The following DPP6 variants were observed in gnomAD, a reference collection of about 807,000 sequenced individuals.
The protein encoded by DPP6 is A-type potassium channel modulatory protein DPP6.
Under a neutral mutation model 122.6 loss-of-function variants are expected in DPP6, and 69 were observed. That is an observed-to-expected ratio of 0.56 (90% CI 0.46 to 0.69). The LOEUF (loss-of-function observed/expected upper bound fraction) is 0.69, where lower values mean the gene tolerates loss of function less well. Ranked by LOEUF, DPP6 falls within the 30% of genes least tolerant of loss-of-function variation. DPP6 has a pLI of 0.00. For synonymous variants in DPP6, 418 were observed against 433.1 expected, an observed-to-expected ratio of 0.97 and a Z score of 0.43; for missense variants, 928 against 1,116.9, an observed-to-expected ratio of 0.83 and a Z score of 2.41.
At chr7:154,379,173 G>A (rs12531498) in intron 1 of DPP6, among the ~76,000 whole-genome samples, 93,711 of 152,068 alleles carry the variant, frequency 0.62, 29,917 homozygotes, top group East Asian at 0.76. Flanking sequence ...GGTTCCAAGA[G>A]GTGCCTCCAT....
At chr7:154,305,429 T>G (rs1415002263) in intron 1 of DPP6, 4 of 1,366,320 alleles carry the variant, frequency 2.9e-6, no homozygotes, top group Non-Finnish European at 3.9e-6. Context: ...CCGCTTGGAC[T>G]CTGGTGGCTC....
chr7:154,669,235 C>G (rs762503837), intron 6 of DPP6, 125 bp from the exon 7 acceptor site: 16 of 1,418,444 alleles, frequency 1.1e-5, no homozygotes, highest in African/African-American at 2.9e-5. Flanking sequence ...AAGAGACAAG[C>G]TCTTGAAATG....
intron 7 of DPP6, among the ~76,000 whole-genome samples, chr7:154,676,202 C>G (rs1346763366): frequency 1.3e-5 from 2 of 148,490 alleles, no homozygotes; most frequent in African/African-American, 5.0e-5. Flanking sequence ...AGCGTGCTGT[C>G]TGGAGGTCCA....
intron 1 of DPP6, among the ~76,000 whole-genome samples, chr7:154,099,330 A>C (rs1325247096): frequency 6.6e-6 from 1 of 152,190 alleles, no homozygotes; most frequent in Non-Finnish European, 1.5e-5. Context: ...ACTTGGATAC[A>C]GCAGTGAGCA....
chr7:154,596,246 A>G (rs945588980), intron 5 of DPP6, among the ~76,000 whole-genome samples: 5 of 152,228 alleles, frequency 3.3e-5, no homozygotes, highest in Non-Finnish European at 5.9e-5. Flanking sequence ...TACAAAAACT[A>G]TTGAAGTAAA....
At chr7:153,970,616 A>T (rs1421142248) in intron 1 of DPP6, among the ~76,000 whole-genome samples, 1 of 152,152 alleles carries the variant, frequency 6.6e-6, no homozygotes, top group Non-Finnish European at 1.5e-5. Flanking sequence ...GAAATTTTGT[A>T]GTTTTAATTT....
At chr7:154,292,197 C>T (rs186638060) in intron 1 of DPP6, among the ~76,000 whole-genome samples, 43 of 152,208 alleles carry the variant, frequency 2.8e-4, no homozygotes, top group African/African-American at 1.0e-3. Flanking sequence ...TGAATGGCAC[C>T]ACCGACAAAG....
chr7:153,782,426 C>T, the DPP6 span, among the ~76,000 whole-genome samples: 1 of 152,124 alleles, frequency 6.6e-6, no homozygotes. Flanking sequence ...CAACTAGAGG[C>T]AGGCAGAACC....
intron 1 of DPP6, among the ~76,000 whole-genome samples, chr7:154,197,850 C>G (rs1798948716): frequency 6.6e-6 from 1 of 152,142 alleles, no homozygotes; most frequent in South Asian, 2.1e-4. Flanking sequence ...ACCTAGGAGC[C>G]CAGACCGTTG....
At chr7:154,637,246 G>T (rs1835783763) in intron 5 of DPP6, among the ~76,000 whole-genome samples, 1 of 152,150 alleles carries the variant, frequency 6.6e-6, no homozygotes, top group South Asian at 2.1e-4. Flanking sequence ...CCATTTTAAA[G>T]CCGTGATACT....
intron 3 of DPP6, among the ~76,000 whole-genome samples, chr7:154,509,786 C>T (rs555514502): frequency 6.6e-6 from 1 of 152,284 alleles, no homozygotes. Context: ...CTGATTCCTG[C>T]TACATGCTAC....
At chr7:153,851,072 T>C in the DPP6 span, among the ~76,000 whole-genome samples, 1 of 152,224 alleles carries the variant, frequency 6.6e-6, no homozygotes, top group Non-Finnish European at 1.5e-5. Flanking sequence ...TTTACACCTA[T>C]ATTTTCCCGA....
chr7:154,061,898 C>T lies in DPP6; in HGVS notation c.243+8835C>T, dbSNP rs553451141. Among the ~76,000 whole-genome samples the T allele has an allele frequency of 6.8e-4, 91 of 134,618 alleles. 8 individuals carry two copies. Among genetic ancestry groups the T allele is most frequent in the Non-Finnish European group, 1.3e-3 (82 of 60,882 alleles). 88.3% of individuals were successfully genotyped at this position (134,618 alleles called of 152,430 possible). On this transcript the variant is annotated intron_variant, in intron 1 of 25. Transcript: ENST00000377770. ...CGCGAGGCAGGGACTGAGAGGCAAT[C>T]CCTCTTCCCCCCCTGGCTCTGAGGA... is the stretch of plus-strand genomic sequence containing the variant.
chr7:154,760,670 C>T lies in DPP6; in HGVS notation c.884-8747C>T, dbSNP rs1446192518. Among the ~76,000 whole-genome samples the T allele has an allele frequency of 6.6e-6, 1 of 152,130 alleles. No homozygotes were observed. The highest frequency in any genetic ancestry group is 1.5e-5 in the Non-Finnish European group (1 of 68,030). On this transcript the variant is annotated intron_variant, in intron 8 of 25. Coordinates refer to ENST00000377770, the MANE Select transcript of DPP6 (RefSeq NM_130797.4). This position sits in a 1 kb window ranked among gnomAD's most constrained non-coding sequence, Gnocchi z 4.5. Reference sequence around the variant, plus strand: ...GAGAAACGAGAACATCCTTGCCACACTGGGACCTGTTTGAGCGTGAGGCAG... The same window carrying T: ...GAGAAACGAGAACATCCTTGCCACATTGGGACCTGTTTGAGCGTGAGGCAG...
chr7:154,584,200 C>T (rs2130687339), intron 5 of DPP6, among the ~76,000 whole-genome samples: 1 of 152,338 alleles, frequency 6.6e-6, no homozygotes, highest in South Asian at 2.1e-4. Context: ...CTTCCCTAAC[C>T]CCCTTGCTGT....
chr7:154,304,970 G>A (rs1182408739), intron 1 of DPP6: 1 of 154,456 alleles, frequency 6.5e-6, no homozygotes, highest in Non-Finnish European at 1.4e-5. Flanking sequence ...CCGAGGCTGT[G>A]GCTGCGGGCG....
intron 1 of DPP6, among the ~76,000 whole-genome samples, chr7:154,445,043 C>T (rs1819739442): frequency 6.6e-6 from 1 of 152,076 alleles, no homozygotes; most frequent in East Asian, 1.9e-4. Context: ...CAAATATAGC[C>T]AATATTAAAT....
chr7:154,177,193 C>T (rs1464413501), intron 1 of DPP6, among the ~76,000 whole-genome samples: 1 of 152,118 alleles, frequency 6.6e-6, no homozygotes, highest in East Asian at 1.9e-4. Context: ...CACAGATATA[C>T]ACAAGAAATA....
At position 154,056,935 on chromosome 7, in the gene DPP6, A is replaced by C. The variant is rs1181406937; in HGVS notation, c.243+3872A>C. Among the ~76,000 whole-genome samples the C allele has an allele frequency of 2.0e-5, 3 of 152,230 alleles. No homozygotes were observed. In the East Asian group the frequency reaches 5.8e-4, roughly 29 times the overall value. On this transcript the variant is annotated intron_variant, in intron 1 of 25. Transcript: ENST00000377770. ...ATGATTTTCCTGATAAATGAGAAAA[A>C]GTCTAAATCTTTCAACTGTCTATTT...
Sources: gnomAD v4.1 joint callset for allele counts (sites outside exome capture counted in the v4.1 genomes callset) on GRCh38, gnomAD v4.1.1 for gene constraint, Gnocchi (gnomAD v3.1) non-coding constraint, MANE v1.5 for transcripts, NCBI Gene and HGNC (gene_info 2026-07-23, HGNC 2026-07-21) for gene names.